The following LARP1 variants were observed in gnomAD, a reference collection of about 807,000 sequenced individuals.
The protein encoded by LARP1 is la-related protein 1.
In LARP1, 36 loss-of-function variants were observed where a neutral mutation model predicts 122.7. The observed-to-expected ratio is 0.29, with a 90% CI of 0.22 to 0.39. The LOEUF is 0.39. Ranked by LOEUF, LARP1 falls within the 10% of genes least tolerant of loss-of-function variation. The pLI is 1.00. For synonymous variants in LARP1, 539 were observed against 528.7 expected, an observed-to-expected ratio of 1.02 and a Z score of -0.27; for missense variants, 1,040 against 1,403.6, an observed-to-expected ratio of 0.74 and a Z score of 4.14.
At chr5:154,774,603 C>T (rs984297882) in intron 1 of LARP1, among the ~76,000 whole-genome samples, 3 of 152,146 alleles carry the variant, frequency 2.0e-5, no homozygotes, top group African/African-American at 7.2e-5. Flanking sequence ...TCTTGCATTT[C>T]CTCTGAGGTG....
intron 15 of LARP1, 140 bp from the exon 16 acceptor site, chr5:154,808,319 A>C (rs900196305): frequency 9.7e-5 from 97 of 999,058 alleles, no homozygotes; most frequent in Non-Finnish European, 1.4e-4. Context: ...TATCTGCTGA[A>C]TGACTGAGTG....
At chr5:154,775,368 C>T (rs1755784224) in intron 1 of LARP1, among the ~76,000 whole-genome samples, 1 of 151,918 alleles carries the variant, frequency 6.6e-6, no homozygotes. Context: ...TGGCAAGCAC[C>T]TATAGTCCCA....
chr5:154,811,418 G>C, intron 17 of LARP1, 62 bp downstream of exon 17: 1 of 1,606,128 alleles, frequency 6.2e-7, no homozygotes, highest in South Asian at 1.1e-5. Flanking sequence ...TCCCCAGTTG[G>C]ACCTGGGTCT....
At chr5:154,712,669 C>T (rs1397087667), upstream of LARP1, among the ~76,000 whole-genome samples, 4 of 152,152 alleles carry the variant, frequency 2.6e-5, no homozygotes, top group Non-Finnish European at 4.4e-5. Flanking sequence ...GGAGACTCAG[C>T]GGGTTGCCAC....
In LARP1 at chr5:154,772,535, C is replaced by T. The variant is rs539600066; in HGVS notation, c.436+16342C>T. 7.2e-5 allele frequency among the ~76,000 whole-genome samples: 11 copies of T among 152,256 alleles called. No individual in the cohort carries two copies. The South Asian group carries it at 2.3e-3, about 32-fold the overall frequency. ...GAAACTTCAGCTAGTACTAAACCCT[C>T]TATATGTTTTTTCCTATACATATGT... On this transcript the variant is annotated intron_variant, in intron 1 of 18. Transcript: ENST00000518297.
Position 154,813,883 on chromosome 5 carries a change from G to A in LARP1, c.3082-4G>A. 2 of 1,612,846 alleles carry A rather than the reference G, an allele frequency of 1.2e-6. No individual in the cohort carries two copies. The highest frequency in any genetic ancestry group is 2.2e-5 in the South Asian group (2 of 91,026). The stretch of plus-strand genomic sequence containing the variant: ...ATCACCTGTGACTCCTTCCTCTGTT[G>A]CAGCCCCCCATGGGTGAGGAGGGCA... On this transcript the variant is annotated splice_region_variant and splice_polypyrimidine_tract_variant and intron_variant, in intron 18 of 18. Coordinates refer to ENST00000518297, the MANE Select transcript of LARP1 (RefSeq NM_033551.3).
At chr5:154,724,774 C>T (rs968295388) in intron 1 of LARP1, among the ~76,000 whole-genome samples, 9 of 151,866 alleles carry the variant, frequency 5.9e-5, no homozygotes, top group African/African-American at 1.9e-4. Flanking sequence ...TCAGGTGATG[C>T]TCCCACCTCA....
At chr5:154,729,363 C>T in intron 1 of LARP1, 1 of 292,216 alleles carries the variant, frequency 3.4e-6, no homozygotes, top group South Asian at 4.0e-5. Flanking sequence ...AGAATGGATA[C>T]TGTTCAAAAA....
intron 1 of LARP1, among the ~76,000 whole-genome samples, chr5:154,766,778 C>T (rs929747178): frequency 2.0e-5 from 3 of 152,190 alleles, no homozygotes; most frequent in African/African-American, 7.2e-5. Flanking sequence ...GGCTGCTACC[C>T]TGAGTTCTTG....
intron 1 of LARP1, among the ~76,000 whole-genome samples, chr5:154,725,801 T>C (rs910925201): frequency 2.0e-5 from 3 of 152,114 alleles, no homozygotes; most frequent in African/African-American, 4.8e-5. Flanking sequence ...TTTCAGGATC[T>C]ACCAAGAAGG....
chr5:154,814,123 G>C lies in LARP1; in HGVS notation c.*27G>C, dbSNP rs372762868. The C allele has an allele frequency of 4.0e-5, 65 of 1,610,058 alleles. No homozygotes were observed. Among genetic ancestry groups the C allele is most frequent in the East Asian group, 8.9e-5 (4 of 44,788 alleles). On this transcript the variant is annotated 3_prime_UTR_variant, in exon 19 of 19. Coordinates refer to ENST00000518297, the MANE Select transcript of LARP1 (RefSeq NM_033551.3). ...AAGCTCCTTAGCCCTGGGGCTTGAG[G>C]GGGGAAAGGGGTAGGGTGGGTAAGA...
upstream of LARP1, among the ~76,000 whole-genome samples, chr5:154,710,581 A>G (rs1335761482): frequency 6.6e-6 from 1 of 152,022 alleles, no homozygotes; most frequent in Non-Finnish European, 1.5e-5. Flanking sequence ...GTCTCTACTA[A>G]AAATTCAAAA....
intron 1 of LARP1, among the ~76,000 whole-genome samples, chr5:154,768,379 A>G (rs984642478): frequency 6.6e-6 from 1 of 152,196 alleles, no homozygotes; most frequent in Non-Finnish European, 1.5e-5. Context: ...GGTGGGGCTT[A>G]TATTCTGAAA....
intron 1 of LARP1, among the ~76,000 whole-genome samples, chr5:154,734,224 C>A (rs1217260715): frequency 6.6e-6 from 1 of 151,222 alleles, no homozygotes; most frequent in Non-Finnish European, 1.5e-5. Flanking sequence ...TAATTCATGA[C>A]GAGCACAAGT....
At chr5:154,698,873 CA>C (rs1754590624) in intron 1 of LARP1, among the ~76,000 whole-genome samples, 1 of 152,178 alleles carries the variant, frequency 6.6e-6, no homozygotes, top group Non-Finnish European at 1.5e-5. Context: ...TTGACTGTCT[CA>C]GGGGCATGCT....
intron 1 of LARP1, among the ~76,000 whole-genome samples, chr5:154,781,471 T>A (rs1215224372): frequency 6.6e-6 from 1 of 152,004 alleles, no homozygotes; most frequent in Non-Finnish European, 1.5e-5. Context: ...CACACACCTG[T>A]AATCCCAGCT....
At chr5:154,715,039 G>A (rs895190074) in intron 1 of LARP1, among the ~76,000 whole-genome samples, 16 of 151,752 alleles carry the variant, frequency 1.1e-4, no homozygotes, top group Admixed American at 1.3e-4. Flanking sequence ...AATTAGCTGG[G>A]CGGAGTGGTG....
chr5:154,793,413 G>A (rs1269587364), intron 4 of LARP1, among the ~76,000 whole-genome samples, 182 bp from the exon 5 acceptor site: 1 of 152,128 alleles, frequency 6.6e-6, no homozygotes, highest in Non-Finnish European at 1.5e-5. Context: ...ACACACTGAC[G>A]GCCACTGACC....
intron 1 of LARP1, among the ~76,000 whole-genome samples, chr5:154,744,914 G>A (rs1403754524): frequency 1.2e-4 from 14 of 112,680 alleles, no homozygotes; most frequent in Non-Finnish European, 1.7e-4. Context: ...TGGGATTACA[G>A]GCGTGAGCCA....
Sources: allele counts gnomAD v4.1 joint callset (sites outside exome capture counted in the v4.1 genomes callset), GRCh38; gene constraint gnomAD v4.1.1; transcripts MANE v1.5; gene names NCBI Gene and HGNC (gene_info 2026-07-23, HGNC 2026-07-21).